Variants in ANKS1B observed in about 807,000 individuals in gnomAD.
The protein encoded by ANKS1B is ankyrin repeat and sterile alpha motif domain containing 1B.
A neutral mutation model predicts 148.3 loss-of-function variants in ANKS1B; 36 were observed. The ratio of observed to expected loss-of-function variants is 0.24; its 90% confidence interval spans 0.19 to 0.32. The LOEUF (loss-of-function observed/expected upper bound fraction) is 0.32, where lower values mean the gene tolerates loss of function less well. Ranked by LOEUF, ANKS1B falls within the 10% of genes least tolerant of loss-of-function variation. The pLI, the probability that ANKS1B is intolerant of heterozygous loss-of-function variation, is 1.00. For missense variants in ANKS1B, 1,157 were observed against 1,542.6 expected (o/e 0.75, Z 4.19); for synonymous variants, 542 against 560.8 (o/e 0.97, Z 0.47).
At chr12:99,303,594 G>A (rs2081966230) in intron 12 of ANKS1B, among the ~76,000 whole-genome samples, 1 of 151,972 alleles carries the variant, frequency 6.6e-6, no homozygotes. Context: ...GAAAAATAAG[G>A]CAAAGTAGAA....
intron 10 of ANKS1B, among the ~76,000 whole-genome samples, chr12:99,488,514 A>G (rs1567199547): frequency 6.6e-6 from 1 of 152,190 alleles, no homozygotes; most frequent in Admixed American, 6.5e-5. Flanking sequence ...AAAAATTATT[A>G]AGTACCTTTG....
intron 25 of ANKS1B, among the ~76,000 whole-genome samples, chr12:98,770,288 G>A (rs190401251): frequency 2.1e-4 from 32 of 152,280 alleles, no homozygotes; most frequent in Middle Eastern, 3.4e-3. Context: ...TTGGTATTCC[G>A]TTCTTTCTAT....
At chr12:99,874,041 C>A (rs1444159999) in intron 1 of ANKS1B, among the ~76,000 whole-genome samples, 1 of 139,136 alleles carries the variant, frequency 7.2e-6, no homozygotes, top group Non-Finnish European at 1.5e-5. Context: ...ATATATATAT[C>A]CTGTTGGTTC....
At chr12:99,068,059 C>A (rs983233335) in intron 16 of ANKS1B, among the ~76,000 whole-genome samples, 1 of 151,872 alleles carries the variant, frequency 6.6e-6, no homozygotes, top group African/African-American at 2.4e-5. Context: ...TTTTTAGGCA[C>A]TATAGTGCAT....
intron 1 of ANKS1B, among the ~76,000 whole-genome samples, chr12:99,981,485 A>T (rs1324035858): frequency 6.6e-6 from 1 of 152,120 alleles, no homozygotes; most frequent in Admixed American, 6.5e-5. Flanking sequence ...TTAGAAAAAA[A>T]TACCAAAATT....
intron 17 of ANKS1B, among the ~76,000 whole-genome samples, chr12:99,046,721 C>T (rs529818433): frequency 4.8e-4 from 72 of 151,058 alleles, no homozygotes; most frequent in African/African-American, 1.7e-3. Flanking sequence ...ATGGTGTGAA[C>T]CCAGGAGGTG....
intron 17 of ANKS1B, among the ~76,000 whole-genome samples, chr12:98,994,573 C>T (rs990449854): frequency 6.6e-6 from 1 of 152,152 alleles, no homozygotes; most frequent in Admixed American, 6.5e-5. Flanking sequence ...GAGCCAAGAT[C>T]GTACCACTGC....
intron 1 of ANKS1B, among the ~76,000 whole-genome samples, chr12:99,893,567 T>C (rs1248067096): frequency 6.6e-6 from 1 of 152,140 alleles, no homozygotes; most frequent in Non-Finnish European, 1.5e-5. Flanking sequence ...TTACTTGTTT[T>C]ATTAAAAAAA....
intron 12 of ANKS1B, among the ~76,000 whole-genome samples, chr12:99,393,096 T>TGATAGATAGATAGATA (rs143927175): frequency 0.035 from 5,202 of 150,640 alleles, 142 homozygotes; most frequent in African/African-American, 0.074. Context: ...GATAGACAGA[T>TGATAGATAGATAGATA]GATAGATAGA....
chr12:99,845,322 T>C (rs1324094999), intron 1 of ANKS1B, among the ~76,000 whole-genome samples: 1 of 152,216 alleles, frequency 6.6e-6, no homozygotes, highest in Non-Finnish European at 1.5e-5. Context: ...AGGGGAATTC[T>C]TCCAGCTTTT....
chr12:98,927,565 GA>G (rs1333322307), intron 17 of ANKS1B, among the ~76,000 whole-genome samples: 1 of 151,830 alleles, frequency 6.6e-6, no homozygotes, highest in Non-Finnish European at 1.5e-5. Context: ...TTTTTTAATT[GA>G]AATTTTTTTC....
intron 17 of ANKS1B, among the ~76,000 whole-genome samples, chr12:99,040,067 C>T (rs1182597763): frequency 6.6e-6 from 1 of 152,132 alleles, no homozygotes; most frequent in Non-Finnish European, 1.5e-5. Context: ...AAGGATGCCA[C>T]CTGGGGTCTG....
chr12:99,262,842 G>C (rs904056319), intron 12 of ANKS1B, among the ~76,000 whole-genome samples: 1 of 151,608 alleles, frequency 6.6e-6, no homozygotes. Context: ...AAGTACATTT[G>C]GTCTTTTATA....
chr12:99,541,942 A>T (rs904306142), intron 9 of ANKS1B, among the ~76,000 whole-genome samples: 7 of 152,184 alleles, frequency 4.6e-5, no homozygotes, highest in Non-Finnish European at 1.0e-4. Flanking sequence ...AAAGGCGTCT[A>T]TGAAAAACCT....
chr12:99,126,194 C>T (rs376479230), intron 15 of ANKS1B, among the ~76,000 whole-genome samples: 3 of 152,084 alleles, frequency 2.0e-5, no homozygotes, highest in South Asian at 4.1e-4. Flanking sequence ...TTGGGAGAAG[C>T]GAACATGGCT....
chr12:98,763,770 T>C (rs1234399204), intron 25 of ANKS1B, among the ~76,000 whole-genome samples: 2 of 152,230 alleles, frequency 1.3e-5, no homozygotes, highest in Non-Finnish European at 2.9e-5. Flanking sequence ...CATAAGTTCC[T>C]TTTTTGCGCA....
chr12:98,891,525 A>G, intron 17 of ANKS1B, among the ~76,000 whole-genome samples: 1 of 152,350 alleles, frequency 6.6e-6, no homozygotes. Flanking sequence ...TAAAAATTAC[A>G]TCTACATAAA....
chr12:99,649,655 A>G (rs1223701727), intron 9 of ANKS1B: 2 of 407,346 alleles, frequency 4.9e-6, no homozygotes, highest in African/African-American at 4.0e-5. Flanking sequence ...CCATGTCTTA[A>G]TCTTGTTATA....
intron 10 of ANKS1B, among the ~76,000 whole-genome samples, chr12:99,449,787 C>T (rs1386180459): frequency 6.6e-6 from 1 of 152,088 alleles, no homozygotes; most frequent in African/African-American, 2.4e-5. Context: ...TAGCTATTAA[C>T]ACAAATTGGT....
Sources: gnomAD v4.1 joint callset for allele counts (sites outside exome capture counted in the v4.1 genomes callset) on GRCh38, gnomAD v4.1.1 for gene constraint, MANE v1.5 for transcripts, NCBI Gene and HGNC (gene_info 2026-07-23, HGNC 2026-07-21) for gene names.